SCOC: variants seen among roughly 807,000 people sequenced by gnomAD.
SCOC encodes the protein short coiled-coil protein.
In SCOC, 7 loss-of-function variants were observed where a neutral mutation model predicts 9.9. The ratio of observed to expected loss-of-function variants is 0.71; its 90% CI spans 0.40 to 1.33. SCOC has a LOEUF of 1.33. Ranked by LOEUF, SCOC falls within the 40% of genes most tolerant of loss-of-function variation. The pLI, the probability that SCOC is intolerant of heterozygous loss-of-function variation, is 0.01. For synonymous variants in SCOC, 19 were observed against 28.2 expected (o/e 0.67, Z 1.03); for missense variants, 66 against 89.7 (o/e 0.74, Z 1.07).
At chr4:140,337,534 C>T (rs544496865) in intron 1 of SCOC, among the ~76,000 whole-genome samples, 2 of 152,046 alleles carry the variant, frequency 1.3e-5, no homozygotes, top group African/African-American at 4.8e-5. Flanking sequence ...ACATCTATGG[C>T]CAATTGAATT....
chr4:140,278,639 C>A (rs753698825), intron 1 of SCOC, among the ~76,000 whole-genome samples: 193 of 152,160 alleles, frequency 1.3e-3, no homozygotes, highest in Non-Finnish European at 2.3e-3. Flanking sequence ...GACTTAGTCA[C>A]CTCCCAGAGG....
At chr4:140,273,919 GATA>G (rs1472840772) in intron 1 of SCOC, among the ~76,000 whole-genome samples, 1 of 152,110 alleles carries the variant, frequency 6.6e-6, no homozygotes, top group African/African-American at 2.4e-5. Context: ...CTTTTCTTCT[GATA>G]ATGATAGCCC....
intron 1 of SCOC, among the ~76,000 whole-genome samples, chr4:140,326,573 G>T (rs1401208860): frequency 6.6e-6 from 1 of 152,116 alleles, no homozygotes; most frequent in East Asian, 1.9e-4. Flanking sequence ...TGAAAAGCAA[G>T]GCCTGTGTTT....
intron 1 of SCOC, chr4:140,374,350 C>T (rs1044579925): frequency 3.7e-5 from 13 of 348,512 alleles, no homozygotes; most frequent in African/African-American, 1.9e-4. Flanking sequence ...GTCAACCTCA[C>T]ACTATTACGC....
intron 1 of SCOC, among the ~76,000 whole-genome samples, chr4:140,327,013 T>G (rs1732669196): frequency 6.6e-6 from 1 of 152,176 alleles, no homozygotes; most frequent in African/African-American, 2.4e-5. Context: ...CAGCAAACCT[T>G]GATGTTGTAT....
rs928042718 is a variant in SCOC, at chr4:140,324,806, C to A, written c.-18-18815C>A. 2.0e-5 allele frequency among the ~76,000 whole-genome samples: 3 copies of A among 151,814 alleles called. No homozygotes were observed. The East Asian group carries it at 5.8e-4, about 29-fold the overall frequency. On this transcript the variant is annotated intron_variant, in intron 1 of 4. Transcript: ENST00000394205. ...GAAATCCCAATCAAAATCCAGTAAG[C>A]TTTTTATAGATGATGACAAGCTAAT...
intron 1 of SCOC, among the ~76,000 whole-genome samples, chr4:140,274,130 T>C (rs1730924288): frequency 6.6e-6 from 1 of 152,252 alleles, no homozygotes; most frequent in African/African-American, 2.4e-5. Flanking sequence ...TAAGCTACTA[T>C]GTATCACCCT....
At chr4:140,288,779 C>T (rs146072485) in intron 1 of SCOC, among the ~76,000 whole-genome samples, 72 of 152,102 alleles carry the variant, frequency 4.7e-4, no homozygotes, top group African/African-American at 1.5e-3. Context: ...ATACCCCCTA[C>T]GCATACCACA....
chr4:140,363,246 T>C (rs1002421269), intron 2 of SCOC, among the ~76,000 whole-genome samples: 4 of 152,226 alleles, frequency 2.6e-5, no homozygotes, highest in Non-Finnish European at 4.4e-5. Context: ...AGACATCTCA[T>C]GTCTTCCGCC....
chr4:140,343,636 A>G, exon 2 of SCOC: 1 of 1,612,982 alleles, frequency 6.2e-7, no homozygotes, highest in Non-Finnish European at 8.5e-7. Flanking sequence ...AAAATTGAAC[A>G]AGATGGACGG....
Position 140,327,615 on chromosome 4 carries a change from C to T in SCOC, c.-18-16006C>T, listed in dbSNP as rs78432671. Among the ~76,000 whole-genome samples the T allele has an allele frequency of 3.3e-5, 5 of 152,142 alleles. No homozygotes were observed. In the East Asian group the frequency reaches 9.7e-4, roughly 29 times the overall value. On this transcript the variant is annotated intron_variant, in intron 1 of 4. Coordinates refer to the SCOC transcript ENST00000394205. ...GGCAGCTTGGATAACATAGCGAGACCCTGTTTCAAACAAAACAAATGTTTT... is the reference window on the plus strand; with the variant it reads ...GGCAGCTTGGATAACATAGCGAGACTCTGTTTCAAACAAAACAAATGTTTT...
chr4:140,374,400 T>G (rs1728238406), intron 1 of SCOC: 1 of 314,606 alleles, frequency 3.2e-6, no homozygotes, highest in Non-Finnish European at 6.2e-6. Flanking sequence ...GCCAACACGT[T>G]TTCTATGCCC....
At chr4:140,324,838 A>G (rs1166471353) in intron 1 of SCOC, among the ~76,000 whole-genome samples, 1 of 152,050 alleles carries the variant, frequency 6.6e-6, no homozygotes, top group East Asian at 1.9e-4. Flanking sequence ...TAATTTTTAA[A>G]CTTATATAGA....
At position 140,381,082 on chromosome 4, in the gene SCOC, A is replaced by C. The variant is rs776568932; in HGVS notation, c.227A>C (p.Asp76Ala). 1 of 1,598,752 alleles carries C rather than the reference A, an allele frequency of 6.3e-7. No individual in the cohort carries two copies. Among genetic ancestry groups the C allele is most frequent in the Non-Finnish European group, 8.5e-7 (1 of 1,176,382 alleles). ...MSASSVFQTT[D>A]TKSKRK ...GCTTCTAGTGTTTTTCAAACAACTG[A>C]CACAAAAAGCAAAAGAAAGTAAGGG... Residue 76 changes from aspartate to alanine, a missense_variant, in exon 4 of 4, where the codon GAC becomes GCC. By Grantham distance (126) the Asp-to-Ala change is moderately radical. Coordinates refer to ENST00000608372, the MANE Select transcript of SCOC (RefSeq NM_001153484.2).
At chr4:140,378,611 G>A (rs1202330428) in intron 1 of SCOC, among the ~76,000 whole-genome samples, 1 of 151,954 alleles carries the variant, frequency 6.6e-6, no homozygotes, top group Non-Finnish European at 1.5e-5. Flanking sequence ...AATCACAACT[G>A]TAATTTACCA....
At chr4:140,365,798 CTTACT>C (rs1727768050) in intron 2 of SCOC, among the ~76,000 whole-genome samples, 1 of 152,190 alleles carries the variant, frequency 6.6e-6, no homozygotes. Flanking sequence ...TTTTCTCTAG[CTTACT>C]TTATTGTAAG....
upstream of SCOC, among the ~76,000 whole-genome samples, chr4:140,339,188 A>C (rs1305165292): frequency 6.6e-6 from 1 of 152,192 alleles, no homozygotes; most frequent in Non-Finnish European, 1.5e-5. Context: ...TGAGAAAAAC[A>C]AGCAATGGGG....
chr4:140,317,629 CTTT>C (rs202182514), intron 1 of SCOC, among the ~76,000 whole-genome samples: 3 of 130,872 alleles, frequency 2.3e-5, no homozygotes, highest in African/African-American at 8.1e-5. Context: ...GCCCTTCCTT[CTTT>C]TTTTTTTTTT....
intron 1 of SCOC, among the ~76,000 whole-genome samples, chr4:140,277,325 G>A (rs1394442720): frequency 2.0e-5 from 3 of 152,156 alleles, no homozygotes; most frequent in Non-Finnish European, 2.9e-5. Context: ...GGGGGGGGCA[G>A]GGGGTAGGGG....
Sources: gnomAD v4.1 joint callset for allele counts (sites outside exome capture counted in the v4.1 genomes callset) on GRCh38, gnomAD v4.1.1 for gene constraint, MANE v1.5 for transcripts, NCBI Gene and HGNC (gene_info 2026-07-23, HGNC 2026-07-21) for gene names.